The following PRIM2 variants were observed in gnomAD, a reference collection of about 807,000 sequenced individuals.
PRIM2 encodes the protein DNA primase large subunit.
PRIM2 carries 39 observed loss-of-function variants against 67.3 expected under a neutral mutation model. That is an observed-to-expected ratio of 0.58 (90% confidence interval 0.45 to 0.76). The LOEUF is 0.76. Among genes scored for constraint, PRIM2 ranks in the 30% least tolerant of loss-of-function variants. The pLI is 0.00. For missense variants in PRIM2, 398 were observed against 598.7 expected (o/e 0.66, Z 3.50); for synonymous variants, 143 against 198.7 (o/e 0.72, Z 2.36).
chr6:57,326,288 A>C (rs1767851492), intron 5 of PRIM2: 2 of 344,688 alleles, frequency 5.8e-6, no homozygotes, highest in Non-Finnish European at 1.0e-5. Context: ...ATTAAAGCAC[A>C]AGAAGGTTTA....
intron 12 of PRIM2, among the ~76,000 whole-genome samples, chr6:57,629,691 C>G (rs1400711360): frequency 0.73 from 106,548 of 145,788 alleles, 39,784 homozygotes; most frequent in African/African-American, 0.89. Context: ...TTCTACCTCT[C>G]TCCTTTCCAA....
rs140476674 is a variant in PRIM2, at chr6:57,322,964, T to A, written c.259-1237T>A. Among the ~76,000 whole-genome samples, 249 of 152,296 alleles carry A rather than the reference T, an allele frequency of 1.6e-3. 2 individuals are homozygous for A. Among genetic ancestry groups the A allele is most frequent in the African/African-American group, 4.6e-3 (193 of 41,564 alleles). ...AGGAAGGAGATGATTTTGTGTCGAA[T>A]CTCAACACTGCTGCTTACTCTGGAC... is the stretch of plus-strand genomic sequence containing the variant. On this transcript the variant is annotated intron_variant, in intron 3 of 13. Transcript: ENST00000615550.
chr6:57,280,085 A>G, the PRIM2 span, among the ~76,000 whole-genome samples: 1 of 152,220 alleles, frequency 6.6e-6, no homozygotes, highest in African/African-American at 2.4e-5. Context: ...CACCCTCAAC[A>G]GTCCTTAGGG....
At chr6:57,574,483 G>A (rs1489158895) in intron 10 of PRIM2, among the ~76,000 whole-genome samples, 9 of 152,232 alleles carry the variant, frequency 5.9e-5, no homozygotes, top group South Asian at 2.1e-4. Context: ...CCTTCTACCC[G>A]GTAACAGTAC....
the PRIM2 span, among the ~76,000 whole-genome samples, chr6:57,295,189 A>C: frequency 6.6e-6 from 1 of 152,172 alleles, no homozygotes; most frequent in African/African-American, 2.4e-5. Context: ...AAAAAACTTC[A>C]CCCAAAAAGT....
chr6:57,511,486 T>G (rs1450100125), intron 8 of PRIM2, among the ~76,000 whole-genome samples: 1 of 152,132 alleles, frequency 6.6e-6, no homozygotes, highest in Non-Finnish European at 1.5e-5. Context: ...CTATCAGAAT[T>G]AAATACAATG....
chr6:57,281,484 C>T, the PRIM2 span, among the ~76,000 whole-genome samples: 1 of 152,110 alleles, frequency 6.6e-6, no homozygotes, highest in Non-Finnish European at 1.5e-5. Context: ...CTATCTTTCC[C>T]ATCACAGTAT....
chr6:57,246,137 C>T, the PRIM2 span, among the ~76,000 whole-genome samples: 1 of 152,168 alleles, frequency 6.6e-6, no homozygotes, highest in Non-Finnish European at 1.5e-5. Flanking sequence ...TCTAAGCTTC[C>T]TTCCTGTAAC....
intron 7 of PRIM2, among the ~76,000 whole-genome samples, chr6:57,393,762 C>G (rs1770436623): frequency 2.6e-5 from 4 of 151,694 alleles, no homozygotes; most frequent in African/African-American, 7.3e-5. Flanking sequence ...AGGGTTTTCC[C>G]AATGTTATCT....
intron 12 of PRIM2, among the ~76,000 whole-genome samples, chr6:57,611,435 T>C (rs1235230007): frequency 6.6e-6 from 1 of 152,144 alleles, no homozygotes; most frequent in Non-Finnish European, 1.5e-5. Flanking sequence ...GACAGATTAA[T>C]TGGACAGAAT....
chr6:57,260,964 G>A, the PRIM2 span, among the ~76,000 whole-genome samples: 1 of 152,200 alleles, frequency 6.6e-6, no homozygotes, highest in East Asian at 1.9e-4. Context: ...CAGAACACTG[G>A]TGGTTGAGGG....
intron 10 of PRIM2, among the ~76,000 whole-genome samples, chr6:57,578,330 A>C (rs1775999844): frequency 6.6e-6 from 1 of 152,088 alleles, no homozygotes; most frequent in Non-Finnish European, 1.5e-5. Flanking sequence ...CTTTTAGACT[A>C]TGTAAATATC....
Position 57,340,769 on chromosome 6 carries a change from G to A in PRIM2, c.459+14724G>A, listed in dbSNP as rs193203830. On this transcript the variant is annotated intron_variant, in intron 5 of 13. Transcript: ENST00000615550. ...ATACCTAATGCTAAATGACGAGTTAGTGGGTGCAGCACACCAGCATGGCAC... is the reference window on the plus strand; with the variant it reads ...ATACCTAATGCTAAATGACGAGTTAATGGGTGCAGCACACCAGCATGGCAC... Among the ~76,000 whole-genome samples, 21 of 152,180 alleles carry A rather than the reference G, an allele frequency of 1.4e-4. 1 individual carries two copies. Among genetic ancestry groups the A allele is most frequent in the Admixed American group, 5.9e-4 (9 of 15,274 alleles).
At chr6:57,531,673 G>A (rs1180793641) in intron 8 of PRIM2, among the ~76,000 whole-genome samples, 1 of 152,064 alleles carries the variant, frequency 6.6e-6, no homozygotes, top group African/African-American at 2.4e-5. Context: ...ATGATATGGT[G>A]CGGTGAAAAA....
At chr6:57,588,754 GGA>G (rs1454310537) in intron 10 of PRIM2, among the ~76,000 whole-genome samples, 1 of 152,000 alleles carries the variant, frequency 6.6e-6, no homozygotes, top group Non-Finnish European at 1.5e-5. Flanking sequence ...GCTAATGTCT[GGA>G]GCCTAGACGT....
intron 7 of PRIM2, among the ~76,000 whole-genome samples, chr6:57,477,154 C>T (rs1361894339): frequency 1.1e-4 from 17 of 151,998 alleles, no homozygotes; most frequent in Non-Finnish European, 8.8e-5. Flanking sequence ...CCATGCCCAG[C>T]TGATTTTTAA....
chr6:57,585,101 C>G (rs1196865864), intron 10 of PRIM2, among the ~76,000 whole-genome samples: 12 of 152,148 alleles, frequency 7.9e-5, no homozygotes, highest in Non-Finnish European at 1.5e-4. Context: ...AATTGCTTAA[C>G]TGATTTTTTT....
the PRIM2 span, among the ~76,000 whole-genome samples, chr6:57,268,520 T>C: frequency 3.8e-3 from 576 of 152,286 alleles, 2 homozygotes; most frequent in African/African-American, 0.013. Flanking sequence ...TTACAATCAA[T>C]ATTTTTTAAT....
intron 7 of PRIM2, among the ~76,000 whole-genome samples, chr6:57,463,055 A>G (rs1448521538): frequency 6.6e-6 from 1 of 152,170 alleles, no homozygotes; most frequent in East Asian, 1.9e-4. Context: ...GTGTTAAGAC[A>G]GTTTTGGCTT....
Sources: allele counts gnomAD v4.1 joint callset (sites outside exome capture counted in the v4.1 genomes callset), GRCh38; gene constraint gnomAD v4.1.1; transcripts MANE v1.5; gene names NCBI Gene and HGNC (gene_info 2026-07-23, HGNC 2026-07-21).